TULP4: variants seen among roughly 807,000 people sequenced by gnomAD.
The protein encoded by TULP4 is tubby-related protein 4.
A neutral mutation model predicts 129.0 loss-of-function variants in TULP4; 16 were observed. The observed-to-expected ratio is 0.12, with a 90% CI of 0.08 to 0.19. The LOEUF (loss-of-function observed/expected upper bound fraction) is 0.19, where lower values mean the gene tolerates loss of function less well. Ranked by LOEUF, TULP4 falls within the 10% of genes least tolerant of loss-of-function variation. The pLI, the probability that TULP4 is intolerant of heterozygous loss-of-function variation, is 1.00. For synonymous variants in TULP4, 998 were observed against 854.0 expected (o/e 1.17, Z -2.94); for missense variants, 1,842 against 2,059.1 (o/e 0.89, Z 2.04).
At chr6:158,443,364 G>T (rs536338594) in intron 3 of TULP4, among the ~76,000 whole-genome samples, 19 of 152,058 alleles carry the variant, frequency 1.2e-4, no homozygotes, top group African/African-American at 4.6e-4. Context: ...TGATCTGCCC[G>T]TCTTGGCCTC....
chr6:158,249,216 G>A (rs933288633), intron 1 of TULP4, among the ~76,000 whole-genome samples: 12 of 151,902 alleles, frequency 7.9e-5, no homozygotes, highest in Non-Finnish European at 1.5e-4. Context: ...TTTTATTCTT[G>A]TTATATTTTC....
At chr6:158,349,602 AGCC>A (rs1780444419) in intron 1 of TULP4, among the ~76,000 whole-genome samples, 2 of 100,628 alleles carry the variant, frequency 2.0e-5, no homozygotes, top group African/African-American at 3.9e-5. Flanking sequence ...ATAGGGTGGC[AGCC>A]GGGCAGAGGC....
Position 158,502,468 on chromosome 6 carries a change from T to G in TULP4, c.2805T>G (p.Pro935=). 1 of 1,613,092 alleles carries G rather than the reference T, an allele frequency of 6.2e-7. No individual in the cohort carries two copies. Among genetic ancestry groups the G allele is most frequent in the South Asian group, 1.1e-5 (1 of 91,020 alleles). The change falls in exon 13 of 14, where the codon CCT becomes CCG. Residue 935 remains proline (P), a synonymous_variant. Transcript: ENST00000367097. The part of the protein sequence containing the change: ...LRLTATEKKV[P]QPCSSATLNR... ...TCACGGCCACTGAGAAGAAGGTCCC[T>G]CAGCCCTGCAGCAGTGCCACCCTGA...
At chr6:158,488,809 G>A (rs1780128486) in intron 8 of TULP4, among the ~76,000 whole-genome samples, 1 of 151,952 alleles carries the variant, frequency 6.6e-6, no homozygotes, top group Admixed American at 6.6e-5. Flanking sequence ...GGGGGTGTGT[G>A]GGGGATTTGG....
chr6:158,461,817 A>G lies in TULP4; in HGVS notation c.1026+88A>G, dbSNP rs775697033. On this transcript the variant is annotated intron_variant, in intron 6 of 13. Transcript: ENST00000367097. The stretch of plus-strand genomic sequence containing the variant: ...ATTATTGTTGACAAATTTTATTTTA[A>G]TCTTTTTTTACCTTAGGTTGTGGTG... 9.1e-5 allele frequency: 131 copies of G among 1,444,500 alleles called. No individual in the cohort carries two copies. The Middle Eastern group carries it at 1.9e-3, about 21-fold the overall frequency. The allele number at this position is 1,444,500 out of a possible 1,614,324, so 89.5% of individuals were successfully genotyped here. A position where few individuals can be genotyped will look rare whatever the true frequency, so the allele number is the denominator to read the frequency against.
intron 1 of TULP4, among the ~76,000 whole-genome samples, chr6:158,356,076 C>T (rs1780642169): frequency 6.6e-6 from 1 of 152,146 alleles, no homozygotes; most frequent in Admixed American, 6.5e-5. Context: ...GAAAGGTCCA[C>T]TTTAATGTTT....
At chr6:158,239,369 C>A (rs1294637676) in intron 1 of TULP4, among the ~76,000 whole-genome samples, 1 of 69,536 alleles carries the variant, frequency 1.4e-5, no homozygotes, top group African/African-American at 4.4e-5. Context: ...GGGCTGACAC[C>A]CCCCACCTCC....
At chr6:158,414,184 G>T (rs1197030017) in intron 2 of TULP4, among the ~76,000 whole-genome samples, 3 of 152,214 alleles carry the variant, frequency 2.0e-5, no homozygotes, top group African/African-American at 7.2e-5. Flanking sequence ...TTTCTGAGTT[G>T]ATTTGGTAGA....
chr6:158,435,874 G>C (rs1672612608), intron 3 of TULP4, among the ~76,000 whole-genome samples: 1 of 150,996 alleles, frequency 6.6e-6, no homozygotes, highest in African/African-American at 2.4e-5. Context: ...ACTGGGAATT[G>C]CTCATCGTTT....
intron 1 of TULP4, among the ~76,000 whole-genome samples, chr6:158,276,377 T>G (rs2128464311): frequency 6.7e-6 from 1 of 149,828 alleles, no homozygotes; most frequent in Non-Finnish European, 1.5e-5. Flanking sequence ...TGATCATAGC[T>G]CACTGCAGCC....
chr6:158,261,854 C>T (rs11752028), intron 1 of TULP4, among the ~76,000 whole-genome samples: 4,529 of 152,170 alleles, frequency 0.03, 91 homozygotes, highest in Non-Finnish European at 0.043. Context: ...AATAATCACA[C>T]CATGACCAGG....
chr6:158,357,684 C>G (rs1342486205), intron 1 of TULP4, among the ~76,000 whole-genome samples: 1 of 152,170 alleles, frequency 6.6e-6, no homozygotes, highest in Non-Finnish European at 1.5e-5. Context: ...GAGGCCTGGC[C>G]TTCCCTGAGG....
chr6:158,399,261 C>T (rs998029664), intron 1 of TULP4, among the ~76,000 whole-genome samples: 3 of 152,202 alleles, frequency 2.0e-5, no homozygotes, highest in African/African-American at 7.2e-5. Flanking sequence ...CTTGTTTTTA[C>T]AGATGCTGAA....
intron 3 of TULP4, among the ~76,000 whole-genome samples, chr6:158,438,506 G>A (rs1439228402): frequency 6.6e-6 from 1 of 152,230 alleles, no homozygotes. Context: ...AGGAAAGGAT[G>A]TATAAAGGGA....
At chr6:158,242,200 GA>G (rs34165348) in intron 1 of TULP4, 236,862 of 1,390,822 alleles carry the variant, frequency 0.17, 24,038 homozygotes, top group East Asian at 0.43. Context: ...TTCTGATAAT[GA>G]ATGGTGGCAA....
chr6:158,235,015 A>G (rs560418868), intron 1 of TULP4, among the ~76,000 whole-genome samples: 1 of 152,034 alleles, frequency 6.6e-6, no homozygotes, highest in Non-Finnish European at 1.5e-5. Context: ...AAAAATACAA[A>G]AATTAACCAG....
At chr6:158,232,577 G>A in intron 1 of TULP4, among the ~76,000 whole-genome samples, 1 of 152,048 alleles carries the variant, frequency 6.6e-6, no homozygotes, top group Non-Finnish European at 1.5e-5. Context: ...AGAAAATGGG[G>A]CGAAAGCTGA....
chr6:158,299,268 C>T (rs769505920), intron 1 of TULP4, among the ~76,000 whole-genome samples: 1 of 152,166 alleles, frequency 6.6e-6, no homozygotes. Flanking sequence ...CAGGCATTCC[C>T]TTCTGCCAGA....
chr6:158,414,837 T>C (rs1419914742), intron 2 of TULP4, among the ~76,000 whole-genome samples: 3 of 152,196 alleles, frequency 2.0e-5, no homozygotes, highest in African/African-American at 7.2e-5. Context: ...TTTTCATGCG[T>C]TATATCTTTC....
Sources: allele counts gnomAD v4.1 joint callset (sites outside exome capture counted in the v4.1 genomes callset), GRCh38; gene constraint gnomAD v4.1.1; transcripts MANE v1.5; gene names NCBI Gene and HGNC (gene_info 2026-07-23, HGNC 2026-07-21).